Variants in GALNT9 observed in about 807,000 individuals in gnomAD.
GALNT9 encodes GalNAc transferase 9.
A neutral mutation model predicts 63.1 loss-of-function variants in GALNT9; 47 were observed. The ratio of observed to expected loss-of-function variants is 0.75; its 90% CI spans 0.59 to 0.95. The LOEUF is 0.95. Among genes scored for constraint, GALNT9 ranks in the 40% least tolerant of loss-of-function variants. The pLI, the probability that GALNT9 is intolerant of heterozygous loss-of-function variation, is 0.00. For missense variants in GALNT9, 829 were observed against 874.8 expected (o/e 0.95, Z 0.66); for synonymous variants, 396 against 365.7 (o/e 1.08, Z -0.94).
In GALNT9 at chr12:132,292,039, C is replaced by T. The variant is rs183566542; in HGVS notation, c.239-5609G>A. Among the ~76,000 whole-genome samples the T allele has an allele frequency of 9.2e-3, 1,402 of 152,288 alleles. 18 individuals are homozygous for T. The highest frequency in any genetic ancestry group is 0.032 in the African/African-American group (1,323 of 41,550). On this transcript the variant is annotated intron_variant, in intron 1 of 10. Coordinates refer to ENST00000328957, the MANE Select transcript of GALNT9 (RefSeq NM_001122636.2). ...CGGGGCCTTGGCTCCTGCCCTCACT[C>T]GGACCTCAGCTCTGGGTTGCACCCT... is the stretch of plus-strand genomic sequence containing the variant.
chr12:132,271,962 G>T (rs1427078137), intron 2 of GALNT9, among the ~76,000 whole-genome samples: 1 of 152,176 alleles, frequency 6.6e-6, no homozygotes, highest in East Asian at 1.9e-4. Context: ...CTGACCCTTG[G>T]GGACACGTTT....
chr12:132,240,405 G>A (rs1304635924), intron 6 of GALNT9: 1 of 352,802 alleles, frequency 2.8e-6, no homozygotes, highest in Non-Finnish European at 5.6e-6. Flanking sequence ...GGACCCTTTG[G>A]CTTCCAGCCT....
rs1343523236 is a variant in GALNT9, at chr12:132,207,661, C to G, written c.1078-3971G>C. On this transcript the variant is annotated intron_variant, in intron 6 of 10. Coordinates refer to ENST00000328957, the MANE Select transcript of GALNT9 (RefSeq NM_001122636.2). ...CCGGGCGGTGGGAGTCGGCCAACTT[C>G]CATCATTAGCTGAGGACCTGTCACA... 8.5e-5 allele frequency among the ~76,000 whole-genome samples: 13 copies of G among 152,198 alleles called. No individual in the cohort carries two copies. In the East Asian group the frequency reaches 2.3e-3, roughly 27 times the overall value.
At chr12:132,312,947 G>A (rs1881865420) in intron 1 of GALNT9, among the ~76,000 whole-genome samples, 1 of 152,060 alleles carries the variant, frequency 6.6e-6, no homozygotes, top group Non-Finnish European at 1.5e-5. Context: ...TGCCTTCCTC[G>A]TCTTCTCTCG....
chr12:132,268,735 C>T (rs1270057923), intron 2 of GALNT9, among the ~76,000 whole-genome samples: 1 of 152,222 alleles, frequency 6.6e-6, no homozygotes, highest in African/African-American at 2.4e-5. Flanking sequence ...AGAACAGACA[C>T]GTCACCACCG....
intron 1 of GALNT9, among the ~76,000 whole-genome samples, chr12:132,304,739 A>G (rs1207615682): frequency 1.2e-3 from 35 of 30,122 alleles, no homozygotes; most frequent in East Asian, 0.012. Context: ...GCACACCCTC[A>G]CCCAGACACA....
Position 132,329,237 on chromosome 12 carries a change from G to A in GALNT9, c.-34C>T. ...CTGCAGCGGGGGCCTCACCCGCGGG[G>A]CATCCCCAGCATCCCCGCCCGGGCC... On this transcript the variant is annotated 5_prime_UTR_variant, in exon 1 of 11. Coordinates refer to ENST00000328957, the MANE Select transcript of GALNT9 (RefSeq NM_001122636.2). The A allele has an allele frequency of 6.6e-7, 1 of 1,522,846 alleles. No homozygotes were observed. The highest frequency in any genetic ancestry group is 8.9e-7 in the Non-Finnish European group (1 of 1,129,176). The allele number at this position is 1,522,846 out of a possible 1,614,324, so 94.3% of individuals were successfully genotyped here.
chr12:132,318,468 A>C (rs1426759585), intron 1 of GALNT9, among the ~76,000 whole-genome samples: 1 of 152,210 alleles, frequency 6.6e-6, no homozygotes, highest in Admixed American at 6.5e-5. Flanking sequence ...CAGGGGCCTC[A>C]GGCCACCAGG....
chr12:132,254,237 G>A (rs897996351), intron 5 of GALNT9, among the ~76,000 whole-genome samples: 78 of 152,130 alleles, frequency 5.1e-4, no homozygotes, highest in African/African-American at 1.2e-3. Context: ...AGGAACTCCT[G>A]ACCTCAGGTG....
At chr12:132,291,538 A>G (rs1880846660) in intron 1 of GALNT9, among the ~76,000 whole-genome samples, 1 of 147,936 alleles carries the variant, frequency 6.8e-6, no homozygotes, top group South Asian at 2.1e-4. Context: ...ACCCACGTCC[A>G]CACCACCGAC....
rs1272661291 is a variant in GALNT9 at position 132,286,507 on chromosome 12, C to A, written c.239-77G>T. 6.9e-7 allele frequency: 1 copy of A among 1,452,718 alleles called. No individual in the cohort carries two copies. Among genetic ancestry groups the A allele is most frequent in the Non-Finnish European group, 9.1e-7 (1 of 1,104,828 alleles). The allele number at this position is 1,452,718 out of a possible 1,614,324, so 90.0% of individuals were successfully genotyped here. A position where few individuals can be genotyped will look rare whatever the true frequency, so the allele number is the denominator to read the frequency against. The stretch of plus-strand genomic sequence containing the variant: ...TGCACCCAGGAGACGCCCCTCCCGC[C>A]CCTCTCCCCGACGGCCGCTTCCCCC... On this transcript the variant is annotated intron_variant, in intron 1 of 10. Transcript: ENST00000328957. The surrounding 1 kb of genome is among the most constrained non-coding windows in gnomAD (Gnocchi z 7.4).
At chr12:132,219,937 C>CT (rs1877386367) in intron 6 of GALNT9, among the ~76,000 whole-genome samples, 22 of 152,194 alleles carry the variant, frequency 1.4e-4, no homozygotes, top group Admixed American at 1.3e-3. Flanking sequence ...CAGGGTGACA[C>CT]CCGCCTGGGT....
At chr12:132,204,522 C>T (rs1391432172) in intron 6 of GALNT9, among the ~76,000 whole-genome samples, 1 of 152,160 alleles carries the variant, frequency 6.6e-6, no homozygotes, top group Non-Finnish European at 1.5e-5. Context: ...TCGATTCGGG[C>T]TGGGACGTGG....
chr12:132,200,815 C>T (rs1371697932), intron 8 of GALNT9: 1 of 392,248 alleles, frequency 2.5e-6, no homozygotes, highest in Non-Finnish European at 4.7e-6. Flanking sequence ...TGTGACTACA[C>T]ACCTGCCTGC....
intron 6 of GALNT9, among the ~76,000 whole-genome samples, chr12:132,225,790 GCCACACAAC>G (rs1315818118): frequency 4.2e-5 from 3 of 71,430 alleles, no homozygotes; most frequent in African/African-American, 1.7e-4. Context: ...CCCCACACAC[GCCACACAAC>G]CCACACCCCA....
At chr12:132,198,862 G>T (rs1164737740) in intron 9 of GALNT9, among the ~76,000 whole-genome samples, 1 of 152,156 alleles carries the variant, frequency 6.6e-6, no homozygotes, top group Admixed American at 6.5e-5. Flanking sequence ...ACGCTGCCCA[G>T]ACTGGTCTCA....
intron 6 of GALNT9, among the ~76,000 whole-genome samples, chr12:132,207,763 T>G (rs1410855006): frequency 1.3e-5 from 2 of 152,152 alleles, no homozygotes; most frequent in Non-Finnish European, 2.9e-5. Context: ...AGGTGCCCCC[T>G]AAGCACAAGG....
intron 1 of GALNT9, among the ~76,000 whole-genome samples, chr12:132,303,441 T>TCACC (rs1555244099): frequency 2.1e-5 from 3 of 142,124 alleles, no homozygotes; most frequent in Non-Finnish European, 4.6e-5. Context: ...GGGCACACCC[T>TCACC]CGCCCGGGCA....
intron 4 of GALNT9, among the ~76,000 whole-genome samples, chr12:132,260,487 G>A (rs1015149224): frequency 6.6e-6 from 1 of 152,208 alleles, no homozygotes; most frequent in African/African-American, 2.4e-5. Flanking sequence ...CTAAGGCCTC[G>A]GGGGCACTCG....
Sources: allele counts gnomAD v4.1 joint callset (sites outside exome capture counted in the v4.1 genomes callset), GRCh38; gene constraint gnomAD v4.1.1; non-coding constraint Gnocchi (gnomAD v3.1); transcripts MANE v1.5; gene names NCBI Gene and HGNC (gene_info 2026-07-23, HGNC 2026-07-21).